RASGRP1: variants seen among roughly 807,000 people sequenced by gnomAD.
RASGRP1 encodes the protein RAS guanyl releasing protein 1.
RASGRP1 carries 37 observed loss-of-function variants against 95.1 expected under a neutral mutation model. That is an observed-to-expected ratio of 0.39 (90% CI 0.30 to 0.51). The LOEUF (loss-of-function observed/expected upper bound fraction) is 0.51, where lower values mean the gene tolerates loss of function less well. Among genes scored for constraint, RASGRP1 ranks in the 20% least tolerant of loss-of-function variants. The pLI is 0.80. For synonymous variants in RASGRP1, 325 were observed against 353.4 expected, an observed-to-expected ratio of 0.92 and a Z score of 0.90; for missense variants, 711 against 965.4, an observed-to-expected ratio of 0.74 and a Z score of 3.49.
intron 2 of RASGRP1, among the ~76,000 whole-genome samples, chr15:38,542,099 T>C (rs72727386): frequency 6.7e-4 from 102 of 152,076 alleles, no homozygotes; most frequent in Middle Eastern, 3.4e-3. Flanking sequence ...GAGGCCGAGA[T>C]GGGAGGATCA....
intron 2 of RASGRP1, among the ~76,000 whole-genome samples, chr15:38,558,229 G>GCC (rs1271154349): frequency 6.6e-6 from 1 of 152,132 alleles, no homozygotes; most frequent in East Asian, 1.9e-4. Context: ...AGTACATGAT[G>GCC]AACAATGGCC....
At chr15:38,552,662 A>T (rs1395274294) in intron 2 of RASGRP1, among the ~76,000 whole-genome samples, 1 of 152,212 alleles carries the variant, frequency 6.6e-6, no homozygotes, top group Admixed American at 6.5e-5. Flanking sequence ...ATGAATTAGG[A>T]AGTGGTGAGT....
chr15:38,539,647 T>C (rs1200086520), intron 2 of RASGRP1, among the ~76,000 whole-genome samples: 1 of 152,028 alleles, frequency 6.6e-6, no homozygotes, highest in Non-Finnish European at 1.5e-5. Flanking sequence ...TGTATACATG[T>C]GCCATGCTGG....
chr15:38,489,779 A>G lies in RASGRP1; in HGVS notation c.*775T>C, dbSNP rs1033022923. On this transcript the variant is annotated 3_prime_UTR_variant, in exon 17 of 17. Coordinates refer to ENST00000310803, the MANE Select transcript of RASGRP1 (RefSeq NM_005739.4). Reference sequence around the variant, plus strand: ...TAATTCTATCCACTGTAGAATATATAAGGACAAACATGTTTGCGTTATGTT... The same window carrying G: ...TAATTCTATCCACTGTAGAATATATGAGGACAAACATGTTTGCGTTATGTT... 6.6e-6 allele frequency: 1 copy of G among 151,966 alleles called. No individual in the cohort carries two copies. 9.4% of individuals were successfully genotyped at this position (151,966 alleles called of 1,614,324 possible). A position where few individuals can be genotyped will look rare whatever the true frequency, so the allele number is the denominator to read the frequency against.
intron 13 of RASGRP1, among the ~76,000 whole-genome samples, chr15:38,500,349 T>TTG (rs1555400009): frequency 6.7e-6 from 1 of 149,154 alleles, no homozygotes; most frequent in African/African-American, 2.5e-5. Context: ...GTTTTTTTTG[T>TTG]TTTGTTTTTT....
chr15:38,564,341 C>A (rs1893941482), intron 1 of RASGRP1, among the ~76,000 whole-genome samples: 1 of 152,124 alleles, frequency 6.6e-6, no homozygotes, highest in Admixed American at 6.5e-5. Flanking sequence ...CCTAGCAGAT[C>A]TCACCGGACG....
chr15:38,489,371 C>T lies in RASGRP1; in HGVS notation c.*1183G>A, dbSNP rs1327033096. On this transcript the variant is annotated 3_prime_UTR_variant, in exon 17 of 17. Transcript: ENST00000310803. ...TAATAGAAAACTCACAGGATTGTTA[C>T]TTGTGATTTTGCCAAACAATACAAT... The T allele has an allele frequency of 6.6e-6, 1 of 151,856 alleles. No homozygotes were observed. The allele number at this position is 151,856 out of a possible 1,614,324, so 9.4% of individuals were successfully genotyped here. A position where few individuals can be genotyped will look rare whatever the true frequency, so the allele number is the denominator to read the frequency against.
intron 2 of RASGRP1, among the ~76,000 whole-genome samples, chr15:38,553,998 A>C (rs951537979): frequency 1.3e-5 from 2 of 152,240 alleles, no homozygotes; most frequent in African/African-American, 2.4e-5. Context: ...GCTATACGAC[A>C]GTATTTCTCA....
intron 10 of RASGRP1, 150 bp from the exon 11 acceptor site, chr15:38,503,526 A>C: frequency 1.5e-6 from 1 of 672,064 alleles, no homozygotes; most frequent in Non-Finnish European, 2.6e-6. Context: ...AGGCAATTGA[A>C]ATCTCTACTA....
At chr15:38,554,627 G>A (rs1595883468) in intron 2 of RASGRP1, among the ~76,000 whole-genome samples, 1 of 152,218 alleles carries the variant, frequency 6.6e-6, no homozygotes, top group African/African-American at 2.4e-5. Context: ...AGGCAGACCA[G>A]CGTGGAGAAC....
At chr15:38,502,008 C>T (rs1277388787) in intron 12 of RASGRP1, among the ~76,000 whole-genome samples, 2 of 152,088 alleles carry the variant, frequency 1.3e-5, no homozygotes, top group African/African-American at 2.4e-5. Flanking sequence ...GTGCCCACCA[C>T]CACACCTGGC....
chr15:38,524,026 G>A (rs1892098824), intron 3 of RASGRP1: 2 of 152,344 alleles, frequency 1.3e-5, no homozygotes, highest in Admixed American at 6.6e-5. Context: ...GGGGACAGTG[G>A]GCTAATGCAT....
intron 2 of RASGRP1, among the ~76,000 whole-genome samples, chr15:38,554,169 G>A (rs1274163269): frequency 6.6e-6 from 1 of 152,106 alleles, no homozygotes. Context: ...CGCGAACCTC[G>A]GGGGAAGACT....
chr15:38,548,535 C>T (rs1315922344), intron 2 of RASGRP1, among the ~76,000 whole-genome samples: 1 of 152,202 alleles, frequency 6.6e-6, no homozygotes, highest in East Asian at 1.9e-4. Flanking sequence ...GATGGCATCA[C>T]TGTGTTCCAT....
intron 2 of RASGRP1, among the ~76,000 whole-genome samples, chr15:38,535,579 C>T (rs186391224): frequency 2.2e-4 from 33 of 152,234 alleles, no homozygotes; most frequent in African/African-American, 7.5e-4. Context: ...ACAGTGCCTG[C>T]GCTGGTCCAT....
chr15:38,524,829 A>C (rs1027522413), intron 3 of RASGRP1, among the ~76,000 whole-genome samples: 19 of 152,074 alleles, frequency 1.2e-4, no homozygotes, highest in Non-Finnish European at 1.5e-5. Context: ...AGAGTTTAAA[A>C]GTATAGGAGG....
chr15:38,531,726 T>C (rs1342359756), intron 2 of RASGRP1, among the ~76,000 whole-genome samples: 1 of 152,088 alleles, frequency 6.6e-6, no homozygotes, highest in East Asian at 1.9e-4. Flanking sequence ...AGAGATGTGG[T>C]TAGGGAAAGA....
At chr15:38,507,478 C>T (rs927358242) in intron 9 of RASGRP1, among the ~76,000 whole-genome samples, 1 of 152,156 alleles carries the variant, frequency 6.6e-6, no homozygotes, top group Non-Finnish European at 1.5e-5. Context: ...TCCTAGAAGT[C>T]TGAAGGGCAC....
In RASGRP1 at chr15:38,518,284, A is replaced by G; in HGVS notation, c.521+8T>C. On this transcript the variant is annotated splice_region_variant and intron_variant, in intron 5 of 16. Coordinates refer to ENST00000310803, the MANE Select transcript of RASGRP1 (RefSeq NM_005739.4). ...TTTCGAAAGATGAGTCAAGACCTTG[A>G]CACTCACATTTGAGTTGTGTCAATC... The G allele has an allele frequency of 2.5e-6, 4 of 1,608,642 alleles. No homozygotes were observed. Among genetic ancestry groups the G allele is most frequent in the Non-Finnish European group, 3.4e-6 (4 of 1,177,550 alleles).
Sources: allele counts gnomAD v4.1 joint callset (sites outside exome capture counted in the v4.1 genomes callset), GRCh38; gene constraint gnomAD v4.1.1; transcripts MANE v1.5; gene names NCBI Gene and HGNC (gene_info 2026-07-23, HGNC 2026-07-21).